Variants in DGKB observed in about 807,000 individuals in gnomAD.
The protein encoded by DGKB is diacylglycerol kinase beta.
In DGKB, 67 loss-of-function variants were observed where a neutral mutation model predicts 114.3. The ratio of observed to expected loss-of-function variants is 0.59; its 90% CI spans 0.48 to 0.72. The LOEUF (loss-of-function observed/expected upper bound fraction) is 0.72. DGKB is among the 30% of genes least tolerant of loss of function. The pLI is 0.00. For missense variants in DGKB, 907 were observed against 975.2 expected (o/e 0.93, Z 0.93); for synonymous variants, 398 against 323.1 (o/e 1.23, Z -2.49).
chr7:14,218,954 C>A (rs965362560), intron 23 of DGKB, among the ~76,000 whole-genome samples: 1 of 151,808 alleles, frequency 6.6e-6, no homozygotes, highest in African/African-American at 2.4e-5. Flanking sequence ...CTCCCAGCAA[C>A]TAATGATCTA....
chr7:14,208,583 TTA>T (rs1787217169), intron 23 of DGKB, among the ~76,000 whole-genome samples: 1 of 152,060 alleles, frequency 6.6e-6, no homozygotes, highest in African/African-American at 2.4e-5. Context: ...TGATATTTCT[TTA>T]TGTTTGTGTG....
chr7:14,395,485 T>A (rs10264885), intron 21 of DGKB, among the ~76,000 whole-genome samples: 6,530 of 152,014 alleles, frequency 0.043, 481 homozygotes, highest in African/African-American at 0.15. Context: ...TTTCATTTTA[T>A]GTTTAAAGAT....
At chr7:14,616,911 T>C (rs1214849352) in intron 15 of DGKB, among the ~76,000 whole-genome samples, 2 of 151,842 alleles carry the variant, frequency 1.3e-5, no homozygotes, top group African/African-American at 4.8e-5. Flanking sequence ...AGAATGGTTA[T>C]AAATTTGATG....
intron 2 of DGKB, among the ~76,000 whole-genome samples, chr7:14,793,750 A>T (rs1211093473): frequency 6.6e-6 from 1 of 151,976 alleles, no homozygotes; most frequent in African/African-American, 2.4e-5. Context: ...TTGTATGTCA[A>T]CTTGGCTGGC....
chr7:14,306,371 T>C (rs1416136076), intron 23 of DGKB, among the ~76,000 whole-genome samples: 4 of 152,140 alleles, frequency 2.6e-5, no homozygotes, highest in African/African-American at 9.7e-5. Flanking sequence ...TACATGATTC[T>C]ACATTTCCTT....
intron 21 of DGKB, among the ~76,000 whole-genome samples, chr7:14,369,908 C>T (rs951155471): frequency 3.3e-5 from 5 of 152,094 alleles, no homozygotes; most frequent in African/African-American, 1.2e-4. Context: ...AAAGAACTAT[C>T]TGATTATAGT....
chr7:14,385,922 C>T (rs1047610811), intron 21 of DGKB, among the ~76,000 whole-genome samples: 28 of 152,178 alleles, frequency 1.8e-4, no homozygotes, highest in African/African-American at 4.1e-4. Flanking sequence ...GTCACAAGTA[C>T]TGCCAATATT....
chr7:14,661,185 A>C (rs1816989435), intron 13 of DGKB, among the ~76,000 whole-genome samples: 1 of 151,744 alleles, frequency 6.6e-6, no homozygotes, highest in Non-Finnish European at 1.5e-5. Context: ...AATGGCAACA[A>C]AAGCCAAAAT....
intron 13 of DGKB, among the ~76,000 whole-genome samples, chr7:14,670,364 G>A (rs1455237861): frequency 6.6e-6 from 1 of 151,446 alleles, no homozygotes; most frequent in African/African-American, 2.4e-5. Context: ...GTGCAGTGAT[G>A]CAATCTTGGC....
intron 1 of DGKB, among the ~76,000 whole-genome samples, chr7:14,886,553 A>G (rs901558200): frequency 2.6e-5 from 4 of 151,918 alleles, no homozygotes; most frequent in Non-Finnish European, 5.9e-5. Flanking sequence ...ACTTTTCTAC[A>G]TCATTTCCTC....
At chr7:14,599,047 C>T (rs1043467292) in intron 17 of DGKB, among the ~76,000 whole-genome samples, 12 of 152,238 alleles carry the variant, frequency 7.9e-5, no homozygotes, top group African/African-American at 2.2e-4. Flanking sequence ...TTTTTGGTCA[C>T]GTTTTAGGTA....
At chr7:14,440,894 G>C (rs752145180) in intron 21 of DGKB, among the ~76,000 whole-genome samples, 1 of 150,276 alleles carries the variant, frequency 6.7e-6, no homozygotes, top group South Asian at 2.1e-4. Context: ...GGTATGGTAA[G>C]ATACCATTTT....
At chr7:14,960,436 T>C (rs553365050) in intron 1 of DGKB, among the ~76,000 whole-genome samples, 1 of 152,188 alleles carries the variant, frequency 6.6e-6, no homozygotes, top group South Asian at 2.1e-4. Flanking sequence ...GGCAATCCTC[T>C]GACTTTATTT....
At chr7:14,821,497 C>T (rs1395973086) in intron 2 of DGKB, among the ~76,000 whole-genome samples, 5 of 151,314 alleles carry the variant, frequency 3.3e-5, no homozygotes, top group South Asian at 2.1e-4. Context: ...GCATTTCAGC[C>T]GAAAACTGAA....
At chr7:14,372,132 G>A (rs960825665) in intron 21 of DGKB, among the ~76,000 whole-genome samples, 1 of 152,116 alleles carries the variant, frequency 6.6e-6, no homozygotes, top group South Asian at 2.1e-4. Context: ...CTCTTCCTTG[G>A]TCTAGGTTGC....
intron 20 of DGKB, among the ~76,000 whole-genome samples, chr7:14,558,424 T>A (rs1796180801): frequency 6.6e-6 from 1 of 152,180 alleles, no homozygotes; most frequent in Admixed American, 6.5e-5. Context: ...TTTGATCCAA[T>A]AATTAACCAG....
chr7:14,933,152 C>G (rs1240998619), intron 1 of DGKB, among the ~76,000 whole-genome samples: 1 of 152,162 alleles, frequency 6.6e-6, no homozygotes. Flanking sequence ...GCACTAACTA[C>G]CAGAATTTCC....
At chr7:14,604,176 T>C (rs2128771412) in intron 17 of DGKB, among the ~76,000 whole-genome samples, 1 of 152,160 alleles carries the variant, frequency 6.6e-6, no homozygotes, top group Non-Finnish European at 1.5e-5. Flanking sequence ...TCAGACACCT[T>C]GAAACAGAAT....
At chr7:14,302,929 T>G (rs2128491148) in intron 23 of DGKB, among the ~76,000 whole-genome samples, 1 of 152,300 alleles carries the variant, frequency 6.6e-6, no homozygotes, top group African/African-American at 2.4e-5. Context: ...CAACGAAAAT[T>G]ATTTTGAGAA....
Sources: allele counts gnomAD v4.1 joint callset (sites outside exome capture counted in the v4.1 genomes callset), GRCh38; gene constraint gnomAD v4.1.1; transcripts MANE v1.5; gene names NCBI Gene and HGNC (gene_info 2026-07-23, HGNC 2026-07-21).